Variants in NCOA6 observed in about 807,000 individuals in gnomAD.
NCOA6 encodes NRC RAP250.
Under a neutral mutation model 171.4 loss-of-function variants are expected in NCOA6, and 49 were observed. That is an observed-to-expected ratio of 0.29 (90% CI 0.23 to 0.36). The LOEUF (loss-of-function observed/expected upper bound fraction) is 0.36. NCOA6 is among the 10% of genes least tolerant of loss of function. The pLI is 1.00. For missense variants in NCOA6, 2,248 were observed against 2,554.5 expected (o/e 0.88, Z 2.59); for synonymous variants, 910 against 927.5 (o/e 0.98, Z 0.34).
intron 7 of NCOA6, among the ~76,000 whole-genome samples, chr20:34,755,460 A>C (rs2076614469): frequency 6.6e-6 from 1 of 152,218 alleles, no homozygotes; most frequent in South Asian, 2.1e-4. Context: ...GCTGTATTAA[A>C]TCATTATGCT....
Position 34,782,111 on chromosome 20 carries a change from A to C in NCOA6, c.235+10T>G. 6.6e-7 allele frequency: 1 copy of C among 1,523,378 alleles called. No homozygotes were observed. Among genetic ancestry groups the C allele is most frequent in the South Asian group, 1.2e-5 (1 of 82,844 alleles). The allele number at this position is 1,523,378 out of a possible 1,614,324, so 94.4% of individuals were successfully genotyped here. On this transcript the variant is annotated intron_variant, in intron 3 of 14. Coordinates refer to ENST00000359003, the MANE Select transcript of NCOA6 (RefSeq NM_014071.5). ...AGTAACAGGAAGAAAAAATAATTAAAGCAAATTACCCATGTGTAACAAATT... is the reference window on the plus strand; with the variant it reads ...AGTAACAGGAAGAAAAAATAATTAACGCAAATTACCCATGTGTAACAAATT...
At chr20:34,810,438 A>T (rs1487916814) in intron 1 of NCOA6, among the ~76,000 whole-genome samples, 1 of 152,240 alleles carries the variant, frequency 6.6e-6, no homozygotes, top group African/African-American at 2.4e-5. Context: ...ACAAGCAAAC[A>T]AGTAAATAGA....
rs532474266 is a variant in NCOA6 at position 34,755,963 on chromosome 20, C to G, written c.1529-1095G>C. 2.6e-3 allele frequency among the ~76,000 whole-genome samples: 396 copies of G among 152,328 alleles called. 1 individual carries two copies. The highest frequency in any genetic ancestry group is 9.0e-3 in the African/African-American group (373 of 41,566). ...TGTTGGCCAGGCTGGTCTCGAACTC[C>G]TGACCTCAGGTTATCTGCCCGCCTT... On this transcript the variant is annotated intron_variant, in intron 7 of 14. Transcript: ENST00000359003.
intron 4 of NCOA6, among the ~76,000 whole-genome samples, chr20:34,772,713 A>G (rs910535806): frequency 3.9e-5 from 6 of 151,924 alleles, no homozygotes; most frequent in Non-Finnish European, 8.8e-5. Flanking sequence ...TATGGTGGGC[A>G]CAGGAAGAAA....
chr20:34,721,238 C>CAAAAAAAAAAAAAAAAAAAAAAAAAAAA (rs10531679), intron 14 of NCOA6, among the ~76,000 whole-genome samples: 2 of 66,042 alleles, frequency 3.0e-5, no homozygotes, highest in African/African-American at 1.3e-4. Flanking sequence ...TTCCTCTATA[C>CAAAAAAAAAAAAAAAAAAAAAAAAAAAA]AAAAAAAAAA....
chr20:34,720,873 T>C (rs1989229126), intron 14 of NCOA6, among the ~76,000 whole-genome samples: 1 of 152,214 alleles, frequency 6.6e-6, no homozygotes, highest in South Asian at 2.1e-4. Flanking sequence ...GTTCACATTT[T>C]TGGATACAAT....
rs771540987 is a variant in NCOA6 at position 34,741,041 on chromosome 20, T to G, written c.5215A>C (p.Thr1739Pro). 1 of 1,614,118 alleles carries G rather than the reference T, an allele frequency of 6.2e-7. No individual in the cohort carries two copies. The highest frequency in any genetic ancestry group is 2.2e-5 in the East Asian group (1 of 44,880). Residue 1739 changes from threonine to proline, a missense_variant, in exon 11 of 15, where the codon ACC becomes CCC. Thr to Pro is a conservative substitution (Grantham distance 38). This residue lies in a region of NCOA6 where 884 missense variants were observed against 941.9 expected (regional missense o/e 0.94). Coordinates refer to ENST00000359003, the MANE Select transcript of NCOA6 (RefSeq NM_014071.5). ...GRPLVLSSRA[T>P]PVQLPSPPCT... is the part of the protein sequence containing the mutation. ...GGAGGGGAAGGAAGCTGAACAGGGG[T>G]GGCTCGTGAGCTAAGGACCAAAGGT...
At chr20:34,754,541 G>C (rs373513828) in intron 8 of NCOA6, among the ~76,000 whole-genome samples, 181 bp downstream of exon 8, 1 of 152,118 alleles carries the variant, frequency 6.6e-6, no homozygotes, top group Non-Finnish European at 1.5e-5. Flanking sequence ...GAGTTCCTGT[G>C]ACATTTTACC....
Position 34,757,333 on chromosome 20 carries a change from C to G in NCOA6, c.1415G>C (p.Ser472Thr), listed in dbSNP as rs1235809498. The G allele has an allele frequency of 1.2e-6, 2 of 1,614,068 alleles. No individual in the cohort carries two copies. The highest frequency in any genetic ancestry group is 1.7e-6 in the Non-Finnish European group (2 of 1,180,024). Reference protein sequence around the residue: ...PLPQGFQQPVSSPGRNPMVQQ... With the variant: ...PLPQGFQQPVTSPGRNPMVQQ... The stretch of plus-strand genomic sequence containing the variant: ...AACCATAGGATTCCGACCCGGAGAG[C>G]TGACAGGCTGCTGAAATCCCTGGGG... The change falls in exon 7 of 15, where the codon AGC (serine) becomes ACC (threonine). Residue 472 changes from serine (S) to threonine (T), a missense_variant. Physicochemically the swap from Ser to Thr is moderately conservative, Grantham distance 58. This residue lies in a region of NCOA6 where 987 missense variants were observed against 1,104.7 expected (regional missense o/e 0.89). Coordinates refer to ENST00000359003, the MANE Select transcript of NCOA6 (RefSeq NM_014071.5).
At position 34,746,742 on chromosome 20, in the gene NCOA6, C is replaced by T. The variant is rs2145651382; in HGVS notation, c.2914+65G>A. 12 of 1,477,756 alleles carry T rather than the reference C, an allele frequency of 8.1e-6. No individual in the cohort carries two copies. In the Middle Eastern group the frequency reaches 7.2e-4, roughly 89 times the overall value. 91.5% of individuals were successfully genotyped at this position (1,477,756 alleles called of 1,614,324 possible). Reference sequence around the variant, plus strand: ...TAAAATACTATTGTTTCCTTGAAGACATGGAAGCCTTGTAATGCCACATGC... The same window carrying T: ...TAAAATACTATTGTTTCCTTGAAGATATGGAAGCCTTGTAATGCCACATGC... On this transcript the variant is annotated intron_variant, in intron 10 of 14. Transcript: ENST00000359003.
At chr20:34,776,694 A>C (rs1428517751) in intron 3 of NCOA6, 1 of 611,014 alleles carries the variant, frequency 1.6e-6, no homozygotes, top group African/African-American at 1.8e-5. Context: ...AAACTATGAA[A>C]AAACTACTTC....
chr20:34,715,167 T>C lies in NCOA6; in HGVS notation c.*155A>G. On this transcript the variant is annotated 3_prime_UTR_variant, in exon 15 of 15. Coordinates refer to ENST00000359003, the MANE Select transcript of NCOA6 (RefSeq NM_014071.5). ...GGGCTCAACAGTCCTGCTTTCCCCA[T>C]TGCACTTTATGAAACAGGTTGCAGG... 3 of 911,160 alleles carry C rather than the reference T, an allele frequency of 3.3e-6. No individual in the cohort carries two copies. Among genetic ancestry groups the C allele is most frequent in the Non-Finnish European group, 3.4e-6 (2 of 589,352 alleles). The allele number at this position is 911,160 out of a possible 1,614,324, so 56.4% of individuals were successfully genotyped here. A position where few individuals can be genotyped will look rare whatever the true frequency, so the allele number is the denominator to read the frequency against.
In NCOA6 at chr20:34,742,239, T is replaced by C; in HGVS notation, c.4017A>G (p.Lys1339=). 1 of 1,614,182 alleles carries C rather than the reference T, an allele frequency of 6.2e-7. No individual in the cohort carries two copies. The highest frequency in any genetic ancestry group is 1.3e-5 in the African/African-American group (1 of 75,036). ...TTTGCCTCCCAGGGCTTGGAGTGGT[T>C]TTCCTACTGGACCCAGGACTAGACC... ...SRRSSPGSSR[K]TTPSPGRQNS... Residue 1339 remains lysine (K), a synonymous_variant, in exon 11 of 15, where the codon AAA becomes AAG. Coordinates refer to ENST00000359003, the MANE Select transcript of NCOA6 (RefSeq NM_014071.5).
chr20:34,750,508 C>T lies in NCOA6; in HGVS notation c.1687G>A (p.Ala563Thr), dbSNP rs749347126. ...TGCATCTGGTTTTGAGGAGGACCAGCTCCTTGACCACCTTAAAAAAAAAAA... is the reference window on the plus strand; with the variant it reads ...TGCATCTGGTTTTGAGGAGGACCAGTTCCTTGACCACCTTAAAAAAAAAAA... ...QNVQHAGGQGAGPPQNQMQVS... is the reference protein window; with the variant it reads ...QNVQHAGGQGTGPPQNQMQVS... The change falls in exon 9 of 15, where the codon GCT becomes ACT. Residue 563 changes from alanine to threonine, a missense_variant. This residue lies in a region of NCOA6 where 987 missense variants were observed against 1,104.7 expected (regional missense o/e 0.89). Transcript: ENST00000359003. The T allele has an allele frequency of 4.5e-6, 7 of 1,569,558 alleles. No individual in the cohort carries two copies. The South Asian group carries it at 5.9e-5, about 13-fold the overall frequency.
intron 2 of NCOA6, among the ~76,000 whole-genome samples, chr20:34,791,773 C>A (rs1352717465): frequency 1.3e-5 from 2 of 151,956 alleles, no homozygotes; most frequent in Non-Finnish European, 2.9e-5. Context: ...AGGCACATAC[C>A]CAAACCCCTG....
In NCOA6 at chr20:34,758,759, G is replaced by A. The variant is rs753967094; in HGVS notation, c.643+46C>T. The A allele has an allele frequency of 3.8e-6, 6 of 1,598,798 alleles. No individual in the cohort carries two copies. In the South Asian group the frequency reaches 6.8e-5, roughly 18 times the overall value. On this transcript the variant is annotated intron_variant, in intron 6 of 14. Transcript: ENST00000359003. ...ATAACTGAATTTTATAATGATCTGT[G>A]CAGAAAGTTTCAGACTCTTCATCCT...
At chr20:34,790,441 G>A (rs1601042956) in intron 2 of NCOA6, among the ~76,000 whole-genome samples, 1 of 152,092 alleles carries the variant, frequency 6.6e-6, no homozygotes, top group Non-Finnish European at 1.5e-5. Flanking sequence ...TGTAAGCTCC[G>A]CCTCCCAGGT....
chr20:34,811,204 T>TGTATATAG (rs1383663819), intron 1 of NCOA6, among the ~76,000 whole-genome samples: 1 of 77,830 alleles, frequency 1.3e-5, no homozygotes. Context: ...ACAACGTGTA[T>TGTATATAG]ATATATATAT....
At chr20:34,774,345 T>C (rs974621470) in intron 4 of NCOA6, among the ~76,000 whole-genome samples, 7 of 152,246 alleles carry the variant, frequency 4.6e-5, no homozygotes, top group Non-Finnish European at 7.3e-5. Flanking sequence ...TGTGAATTAA[T>C]TGTACTTTTC....
Sources: gnomAD v4.1 joint callset for allele counts (sites outside exome capture counted in the v4.1 genomes callset) on GRCh38, gnomAD v4.1.1 for gene constraint, gnomAD v4.1.1 regional missense constraint, MANE v1.5 for transcripts, NCBI Gene and HGNC (gene_info 2026-07-23, HGNC 2026-07-21) for gene names.